The following GPR143 variants were observed in gnomAD, a reference collection of about 807,000 sequenced individuals.
The protein encoded by GPR143 is G protein-coupled receptor 143.
In GPR143, 8 loss-of-function variants were observed where a neutral mutation model predicts 27.6. The observed-to-expected ratio is 0.29, with a 90% CI of 0.17 to 0.52. GPR143 has a LOEUF of 0.52. GPR143 is among the 20% of genes least tolerant of loss of function. The pLI, the probability that GPR143 is intolerant of heterozygous loss-of-function variation, is 0.96. For synonymous variants in GPR143, 156 were observed against 153.2 expected (o/e 1.02, Z -0.13); for missense variants, 303 against 343.1 (o/e 0.88, Z 0.92).
At chrX:9,755,233 C>G (rs761599340) in intron 3 of GPR143, among the ~76,000 whole-genome samples, 118 of 111,241 alleles carry the variant, frequency 1.1e-3, no homozygotes, top group Non-Finnish European at 2.0e-3. Flanking sequence ...GCCTGACCAA[C>G]ATGGCGAAAC....
intron 2 of GPR143, among the ~76,000 whole-genome samples, 185 bp downstream of exon 2, chrX:9,760,532 C>A (rs1026502128): frequency 1.8e-5 from 2 of 111,716 alleles, no homozygotes; most frequent in East Asian, 5.6e-4. Context: ...GGAGAAACAA[C>A]ACTTGAGTGT....
chrX:9,754,033 T>TG (rs2083463491), intron 3 of GPR143, among the ~76,000 whole-genome samples: 1 of 111,277 alleles, frequency 9.0e-6, no homozygotes, highest in South Asian at 3.8e-4. Context: ...AGCTGACTGG[T>TG]GCCATCCAGT....
chrX:9,760,497 C>T (rs182822346), intron 2 of GPR143, among the ~76,000 whole-genome samples: 81 of 111,522 alleles, frequency 7.3e-4, no homozygotes, highest in African/African-American at 2.5e-3. Context: ...CCCATGTAAG[C>T]GGAGGATGCA....
At chrX:9,727,793 G>A (rs1027767133) in intron 8 of GPR143, among the ~76,000 whole-genome samples, 1 of 112,096 alleles carries the variant, frequency 8.9e-6, no homozygotes, top group African/African-American at 3.2e-5. Context: ...AGCCTCCAAA[G>A]CCCTCCACCC....
intron 1 of GPR143, among the ~76,000 whole-genome samples, chrX:9,771,981 G>T (rs1194269437): frequency 9.0e-6 from 1 of 111,029 alleles, no homozygotes; most frequent in Non-Finnish European, 1.9e-5. Context: ...AAAGTGCTGG[G>T]ATTACAGGCA....
chrX:9,768,785 C>T (rs758053249), upstream of GPR143, among the ~76,000 whole-genome samples: 2 of 110,291 alleles, frequency 1.8e-5, no homozygotes, highest in African/African-American at 6.6e-5. Flanking sequence ...TCAAGTGATT[C>T]TCATGCCTCA....
intron 8 of GPR143, among the ~76,000 whole-genome samples, chrX:9,735,691 T>G (rs896843437): frequency 4.5e-5 from 5 of 112,335 alleles, no homozygotes; most frequent in Admixed American, 9.5e-5. Flanking sequence ...TTGTGTGAAG[T>G]ACCTAGTAAG....
chrX:9,728,101 T>C (rs979534727), intron 8 of GPR143, among the ~76,000 whole-genome samples: 1 of 112,263 alleles, frequency 8.9e-6, no homozygotes, highest in African/African-American at 3.2e-5. Context: ...GGCTGGAATA[T>C]GATGTCATTA....
chrX:9,770,977 G>A (rs1038572253), upstream of GPR143, among the ~76,000 whole-genome samples: 3 of 111,979 alleles, frequency 2.7e-5, no homozygotes, highest in Non-Finnish European at 5.6e-5. Flanking sequence ...CAATAAATAA[G>A]GTAGTGTCAC....
chrX:9,774,144 G>GAA (rs34250332), intron 1 of GPR143, among the ~76,000 whole-genome samples: 5 of 107,698 alleles, frequency 4.6e-5, no homozygotes, highest in Admixed American at 1.0e-4. Flanking sequence ...ATCTCTTAAA[G>GAA]AAAAAAAAGT....
rs1601891764 is a variant in GPR143 at position 9,765,710 on chromosome X, G to A, written c.108C>T (p.Ser36=). 9 of 1,113,538 alleles carry A rather than the reference G, an allele frequency of 8.1e-6. No individual in the cohort carries two copies. In the East Asian group the frequency reaches 2.7e-4, roughly 33 times the overall value. The allele number at this position is 1,113,538 out of a possible 1,213,427, so 91.8% of individuals were successfully genotyped here. A position where few individuals can be genotyped will look rare whatever the true frequency, so the allele number is the denominator to read the frequency against. Residue 36 remains serine (S), a synonymous_variant, in exon 1 of 9, where the codon AGC becomes AGT. Transcript: ENST00000467482. ...PRAFHALCLG[S]GGLRLALGLL... is the part of the protein sequence containing the mutation. ...GGCCCAGCGCCAAGCGGAGCCCGCC[G>A]CTGCCCAGGCAGAGCGCGTGGAAGG...
At chrX:9,759,682 T>C (rs1247511608) in intron 2 of GPR143, among the ~76,000 whole-genome samples, 1 of 111,675 alleles carries the variant, frequency 9.0e-6, no homozygotes, top group Admixed American at 9.6e-5. Context: ...TTCCAAGATA[T>C]GTCATTTAAA....
intron 8 of GPR143, among the ~76,000 whole-genome samples, chrX:9,733,523 C>T (rs188404842): frequency 9.1e-4 from 98 of 107,860 alleles, no homozygotes; most frequent in Admixed American, 1.4e-3. Flanking sequence ...GGAAGATTCA[C>T]GGCATTATGA....
rs758705622 is a variant in GPR143 at position 9,760,918 on chromosome X, TAGAG to T, written c.251-96_251-93del. 3.6e-3 allele frequency: 1,692 copies of T among 473,875 alleles called. 1 individual carries two copies. Among genetic ancestry groups the T allele is most frequent in the Non-Finnish European group, 4.9e-3 (1,323 of 268,201 alleles). The allele number at this position is 473,875 out of a possible 1,213,427, so 39.1% of individuals were successfully genotyped here. A position where few individuals can be genotyped will look rare whatever the true frequency, so the allele number is the denominator to read the frequency against. ...GGAAAAATGATAGATACATAATAGA[TAGAG>T]ATAGGAAGAGAGGAAGGAAGAAGGA... is the stretch of plus-strand genomic sequence containing the variant. On this transcript the variant is annotated intron_variant, in intron 1 of 8. Transcript: ENST00000467482.
chrX:9,778,185 T>C (rs1426105942), intron 1 of GPR143, among the ~76,000 whole-genome samples: 1 of 111,825 alleles, frequency 8.9e-6, no homozygotes, highest in Non-Finnish European at 1.9e-5. Flanking sequence ...ATGTGAGCCA[T>C]AGATAGATAG....
rs565563775 is a variant in GPR143 at position 9,753,985 on chromosome X, C to T, written c.456-5319G>A. 8.1e-5 allele frequency among the ~76,000 whole-genome samples: 9 copies of T among 111,753 alleles called. No individual in the cohort carries two copies. The South Asian group carries it at 3.4e-3, about 42-fold the overall frequency. ...CCCAGGAGTTGAGGCCGCAGCCTTC[C>T]AGATGCCGCAGGAAGACTGAAGATG... On this transcript the variant is annotated intron_variant, in intron 3 of 8. Transcript: ENST00000467482.
chrX:9,754,567 CA>C (rs2083465512), intron 3 of GPR143, among the ~76,000 whole-genome samples: 1 of 111,794 alleles, frequency 8.9e-6, no homozygotes, highest in South Asian at 3.7e-4. Context: ...CACAGCAGAT[CA>C]GGAGAAGCCT....
intron 1 of GPR143, among the ~76,000 whole-genome samples, chrX:9,773,802 T>C (rs2083562753): frequency 9.1e-6 from 1 of 110,097 alleles, no homozygotes; most frequent in Non-Finnish European, 1.9e-5. Flanking sequence ...AAGTTGAAGC[T>C]GCAGTGAGCC....
At chrX:9,726,080 C>T (rs2083325661) in intron 8 of GPR143, 1 of 554,218 alleles carries the variant, frequency 1.8e-6, no homozygotes, top group African/African-American at 2.6e-5. Context: ...GACACAAGCC[C>T]TACAGAATCA....
Sources: gnomAD v4.1 joint callset for allele counts (sites outside exome capture counted in the v4.1 genomes callset) on GRCh38, gnomAD v4.1.1 for gene constraint, MANE v1.5 for transcripts, NCBI Gene and HGNC (gene_info 2026-07-23, HGNC 2026-07-21) for gene names.